Variants in SLC7A5 observed in about 807,000 individuals in gnomAD.
SLC7A5 encodes large neutral amino acids transporter small subunit 1.
Under a neutral mutation model 50.2 loss-of-function variants are expected in SLC7A5, and 23 were observed. The ratio of observed to expected loss-of-function variants is 0.46; its 90% confidence interval spans 0.33 to 0.65. SLC7A5 has a LOEUF of 0.65. SLC7A5 is among the 30% of genes least tolerant of loss of function. The pLI is 0.02. For synonymous variants in SLC7A5, 393 were observed against 330.6 expected (o/e 1.19, Z -2.05); for missense variants, 578 against 684.4 (o/e 0.84, Z 1.73).
chr16:87,851,857 G>C lies in SLC7A5; in HGVS notation c.539-8C>G, dbSNP rs2055229123. On this transcript the variant is annotated splice_region_variant and splice_polypyrimidine_tract_variant and intron_variant, in intron 1 of 9. Transcript: ENST00000261622. Reference sequence around the variant, plus strand: ...TCACGGCCGTGAGCAGCACTGTGGAGACAGAGGGCAGCGGTGAGTTCCACG... The same window carrying C: ...TCACGGCCGTGAGCAGCACTGTGGACACAGAGGGCAGCGGTGAGTTCCACG... 2.5e-6 allele frequency: 4 copies of C among 1,612,860 alleles called. No individual in the cohort carries two copies. Among genetic ancestry groups the C allele is most frequent in the Non-Finnish European group, 3.4e-6 (4 of 1,179,964 alleles).
rs533077222 is a variant in SLC7A5 at position 87,851,772 on chromosome 16, G to A, written c.616C>T (p.Leu206=). The change falls in exon 2 of 10, where the codon CTG becomes TTG. Residue 206 remains leucine (L), a synonymous_variant. Transcript: ENST00000261622. ...AGCAGGATGATCAGGGCCAGGGCCA[G>A]GAGCTTGGCGGCGGCAAAGGCATCC... The part of the protein sequence containing the change: ...VQDAFAAAKL[L]ALALIILLGF... 3 of 1,613,232 alleles carry A rather than the reference G, an allele frequency of 1.9e-6. No homozygotes were observed. The South Asian group carries it at 3.3e-5, about 18-fold the overall frequency.
chr16:87,860,388 ACACACACACAC>A lies in SLC7A5; in HGVS notation c.538+8486_538+8496del, dbSNP rs1461579837. ...CACACACACACACACACACACACAC[ACACACACACAC>A]ATATATATATAAAGAAAAAGGAAAT... is the stretch of plus-strand genomic sequence containing the variant. On this transcript the variant is annotated intron_variant, in intron 1 of 9. Transcript: ENST00000261622. This position sits in a 1 kb window ranked among gnomAD's most constrained non-coding sequence, Gnocchi z 4.8. Among the ~76,000 whole-genome samples the A allele has an allele frequency of 2.1e-5, 3 of 143,084 alleles. 1 individual carries two copies. The highest frequency in any genetic ancestry group is 1.4e-4 in the Admixed American group (2 of 14,252). The allele number at this position is 143,084 out of a possible 152,430, so 93.9% of individuals were successfully genotyped here. A position where few individuals can be genotyped will look rare whatever the true frequency, so the allele number is the denominator to read the frequency against.
intron 5 of SLC7A5, among the ~76,000 whole-genome samples, chr16:87,839,204 C>A (rs2055052343): frequency 1.3e-5 from 2 of 152,340 alleles, no homozygotes; most frequent in South Asian, 4.1e-4. Context: ...AGCACCCACT[C>A]CCTGTTCCCC....
chr16:87,837,814 T>C, intron 7 of SLC7A5, 31 bp downstream of exon 7: 2 of 1,559,984 alleles, frequency 1.3e-6, no homozygotes, highest in Non-Finnish European at 1.7e-6. Flanking sequence ...CCCCCAGGGA[T>C]GTAGGGCACA....
In SLC7A5 at chr16:87,861,848, T is replaced by C. The variant is rs1294244320; in HGVS notation, c.538+7037A>G. On this transcript the variant is annotated intron_variant, in intron 1 of 9. Coordinates refer to ENST00000261622, the MANE Select transcript of SLC7A5 (RefSeq NM_003486.7). This position sits in a 1 kb window ranked among gnomAD's most constrained non-coding sequence, Gnocchi z 4.2. The stretch of plus-strand genomic sequence containing the variant: ...CTTCTGTGAGCTCCCCCTACGGCCT[T>C]GCCCCGAATCCCGTGATGCAGCGTG... Among the ~76,000 whole-genome samples, 1 of 152,226 alleles carries C rather than the reference T, an allele frequency of 6.6e-6. No individual in the cohort carries two copies. Among genetic ancestry groups the C allele is most frequent in the African/African-American group, 2.4e-5 (1 of 41,464 alleles).
At position 87,839,691 on chromosome 16, in the gene SLC7A5, T is replaced by C; in HGVS notation, c.939+11A>G. The C allele has an allele frequency of 6.2e-7, 1 of 1,612,628 alleles. No individual in the cohort carries two copies. Among genetic ancestry groups the C allele is most frequent in the Non-Finnish European group, 8.5e-7 (1 of 1,179,742 alleles). On this transcript the variant is annotated intron_variant, in intron 5 of 9. Coordinates refer to ENST00000261622, the MANE Select transcript of SLC7A5 (RefSeq NM_003486.7). Reference sequence around the variant, plus strand: ...CAGGCCCCTGGTGGAAGCTGGCGGGTAGCGGCTCACCACGGCCACGGCCTC... The same window carrying C: ...CAGGCCCCTGGTGGAAGCTGGCGGGCAGCGGCTCACCACGGCCACGGCCTC...
At chr16:87,854,809 T>C (rs2055294443) in intron 1 of SLC7A5, among the ~76,000 whole-genome samples, 1 of 152,208 alleles carries the variant, frequency 6.6e-6, no homozygotes, top group Non-Finnish European at 1.5e-5. Flanking sequence ...CCTGGCTGCC[T>C]CCCACCTGGC....
chr16:87,859,462 C>T (rs561801268), intron 1 of SLC7A5, among the ~76,000 whole-genome samples: 2 of 152,268 alleles, frequency 1.3e-5, no homozygotes, highest in South Asian at 2.1e-4. Context: ...AGTTTGAGCA[C>T]GTACACCAAA....
intron 1 of SLC7A5, among the ~76,000 whole-genome samples, chr16:87,855,428 AC>A (rs2055303828): frequency 6.6e-6 from 1 of 151,404 alleles, no homozygotes; most frequent in Admixed American, 6.6e-5. Flanking sequence ...CCGCTGGCTG[AC>A]CCCCCAACTC....
intron 5 of SLC7A5, among the ~76,000 whole-genome samples, chr16:87,839,245 G>A (rs116161614): frequency 0.017 from 2,589 of 152,276 alleles, 66 homozygotes; most frequent in African/African-American, 0.056. Context: ...GAGAAGCCTC[G>A]GGAACTGCGA....
chr16:87,866,135 G>C (rs1198064178), intron 1 of SLC7A5, among the ~76,000 whole-genome samples: 3 of 152,104 alleles, frequency 2.0e-5, no homozygotes, highest in Non-Finnish European at 4.4e-5. Context: ...TGTTCCTGCC[G>C]ACACAGGGAA....
rs2055370171 is a variant in SLC7A5, at chr16:87,860,005, C to G, written c.539-8156G>C. ...ATACTCCTTTCTATTGATACCAGGT[C>G]TTTAGCTAATAACTCTTTCAACCAA... On this transcript the variant is annotated intron_variant, in intron 1 of 9. Transcript: ENST00000261622. The surrounding 1 kb of genome is among the most constrained non-coding windows in gnomAD (Gnocchi z 4.8). Among the ~76,000 whole-genome samples the G allele has an allele frequency of 6.6e-6, 1 of 152,066 alleles. No individual in the cohort carries two copies. The highest frequency in any genetic ancestry group is 6.6e-5 in the Admixed American group (1 of 15,264).
Position 87,838,679 on chromosome 16 carries a change from C to A in SLC7A5, c.1043+35G>T, listed in dbSNP as rs748542257. 6 of 1,507,796 alleles carry A rather than the reference C, an allele frequency of 4.0e-6. No individual in the cohort carries two copies. The South Asian group carries it at 5.6e-5, about 14-fold the overall frequency. 93.4% of individuals were successfully genotyped at this position (1,507,796 alleles called of 1,614,324 possible). On this transcript the variant is annotated intron_variant, in intron 6 of 9. Coordinates refer to ENST00000261622, the MANE Select transcript of SLC7A5 (RefSeq NM_003486.7). ...GTTGAACCTGGCCATGAGGCCTGGG[C>A]CTCCCTCACCTGTGGTGGGTCGGGC...
At chr16:87,842,979 G>A (rs2055100536) in intron 2 of SLC7A5, among the ~76,000 whole-genome samples, 1 of 152,086 alleles carries the variant, frequency 6.6e-6, no homozygotes, top group Non-Finnish European at 1.5e-5. Context: ...TACTTCTGCT[G>A]GGGGGAGCAT....
Position 87,833,166 on chromosome 16 carries a change from T to C in SLC7A5, c.1469-141A>G. On this transcript the variant is annotated intron_variant, in intron 9 of 9. Transcript: ENST00000261622. The surrounding 1 kb of genome is among the most constrained non-coding windows in gnomAD (Gnocchi z 6.0). ...CCAGCGCTGGGATTTTAAGGAACCTTCCCTTGTGTACTTGCGCATGTGGGT... is the reference window on the plus strand; with the variant it reads ...CCAGCGCTGGGATTTTAAGGAACCTCCCCTTGTGTACTTGCGCATGTGGGT... The C allele has an allele frequency of 1.3e-6, 1 of 757,896 alleles. No individual in the cohort carries two copies. Among genetic ancestry groups the C allele is most frequent in the Non-Finnish European group, 2.4e-6 (1 of 418,608 alleles). 46.9% of individuals were successfully genotyped at this position (757,896 alleles called of 1,614,324 possible).
intron 2 of SLC7A5, among the ~76,000 whole-genome samples, chr16:87,850,568 T>C (rs928895468): frequency 3.9e-5 from 6 of 152,186 alleles, no homozygotes; most frequent in African/African-American, 1.4e-4. Context: ...GGATCATCTC[T>C]ACCTGAGGCT....
At chr16:87,834,748 G>A in intron 8 of SLC7A5, 157 bp from the exon 9 acceptor site, 1 of 769,652 alleles carries the variant, frequency 1.3e-6, no homozygotes. Context: ...TCACACACCG[G>A]GCTGTCCCGC....
intron 1 of SLC7A5, among the ~76,000 whole-genome samples, chr16:87,868,105 G>T (rs2055485828): frequency 7.2e-6 from 1 of 138,868 alleles, no homozygotes; most frequent in African/African-American, 2.7e-5. Context: ...GACTGAGCGG[G>T]ACTCAGTGTC....
Position 87,852,287 on chromosome 16 carries a change from G to A in SLC7A5, c.539-438C>T, listed in dbSNP as rs140221845. Among the ~76,000 whole-genome samples, 5 of 152,268 alleles carry A rather than the reference G, an allele frequency of 3.3e-5. No homozygotes were observed. Among genetic ancestry groups the A allele is most frequent in the East Asian group, 3.9e-4 (2 of 5,174 alleles). On this transcript the variant is annotated intron_variant, in intron 1 of 9. Transcript: ENST00000261622. The surrounding 1 kb of genome is among the most constrained non-coding windows in gnomAD (Gnocchi z 4.5). The stretch of plus-strand genomic sequence containing the variant: ...GAGACCCACGCACAGCCCGACTGCC[G>A]GACTCCATGAGGGCGGGGCCCTTTC...
Sources: allele counts gnomAD v4.1 joint callset (sites outside exome capture counted in the v4.1 genomes callset), GRCh38; gene constraint gnomAD v4.1.1; non-coding constraint Gnocchi (gnomAD v3.1); transcripts MANE v1.5; gene names NCBI Gene and HGNC (gene_info 2026-07-23, HGNC 2026-07-21).